The following SLC1A1 variants were observed in gnomAD, a reference collection of about 807,000 sequenced individuals.
SLC1A1 encodes the protein excitatory amino acid transporter 3.
In SLC1A1, 43 loss-of-function variants were observed where a neutral mutation model predicts 53.3. That is an observed-to-expected ratio of 0.81 (90% CI 0.63 to 1.04). The LOEUF (loss-of-function observed/expected upper bound fraction) is 1.04. Ranked by LOEUF, SLC1A1 falls within the 50% of genes least tolerant of loss-of-function variation. SLC1A1 has a pLI of 0.00. For missense variants in SLC1A1, 748 were observed against 664.9 expected (o/e 1.12, Z -1.37); for synonymous variants, 307 against 243.2 (o/e 1.26, Z -2.44).
At chr9:4,526,539 A>G (rs892772671) in intron 1 of SLC1A1, among the ~76,000 whole-genome samples, 1 of 152,170 alleles carries the variant, frequency 6.6e-6, no homozygotes, top group African/African-American at 2.4e-5. Flanking sequence ...GGAGGATGCA[A>G]TGGACCCTCA....
intron 10 of SLC1A1, among the ~76,000 whole-genome samples, chr9:4,576,996 A>G (rs1365305399): frequency 6.6e-6 from 1 of 152,200 alleles, no homozygotes; most frequent in Non-Finnish European, 1.5e-5. Flanking sequence ...AGTAGGATCT[A>G]GGCACAGGCT....
At chr9:4,572,599 G>A (rs1311512114) in intron 7 of SLC1A1, among the ~76,000 whole-genome samples, 4 of 152,212 alleles carry the variant, frequency 2.6e-5, no homozygotes, top group Non-Finnish European at 5.9e-5. Flanking sequence ...CCAGGGTGGA[G>A]TGCAGTGGTG....
chr9:4,526,459 T>TA (rs1249692079), intron 1 of SLC1A1, among the ~76,000 whole-genome samples: 1 of 152,120 alleles, frequency 6.6e-6, no homozygotes, highest in East Asian at 1.9e-4. Flanking sequence ...AGTAGATGTA[T>TA]AAAGGCATGG....
At position 4,583,241 on chromosome 9, in the gene SLC1A1, A is replaced by G. The variant is rs1821270884; in HGVS notation, c.1328+69A>G. 1 of 1,594,500 alleles carries G rather than the reference A, an allele frequency of 6.3e-7. No homozygotes were observed. The highest frequency in any genetic ancestry group is 8.6e-7 in the Non-Finnish European group (1 of 1,162,934). On this transcript the variant is annotated intron_variant, in intron 11 of 11. Coordinates refer to ENST00000262352, the MANE Select transcript of SLC1A1 (RefSeq NM_004170.6). This position sits in a 1 kb window ranked among gnomAD's most constrained non-coding sequence, Gnocchi z 4.6. Reference sequence around the variant, plus strand: ...GGCTTCCCAGCCTCGCAGGCGCTGCAGTCTGTCATCATTCTCTCCTCAGAT... The same window carrying G: ...GGCTTCCCAGCCTCGCAGGCGCTGCGGTCTGTCATCATTCTCTCCTCAGAT...
chr9:4,585,373 A>G lies in SLC1A1; in HGVS notation c.1390A>G (p.Lys464Glu). 6.2e-7 allele frequency: 1 copy of G among 1,614,214 alleles called. No individual in the cohort carries two copies. ...GDAFGTGIVEKLSKKELEQMD... is the reference protein window; with the variant it reads ...GDAFGTGIVEELSKKELEQMD... ...TGCTTTTGGGACGGGCATTGTGGAAAAGCTCTCCAAGAAGGAGCTGGAGCA... is the reference window on the plus strand; with the variant it reads ...TGCTTTTGGGACGGGCATTGTGGAAGAGCTCTCCAAGAAGGAGCTGGAGCA... The change falls in exon 12 of 12, where the codon AAG becomes GAG. Residue 464 changes from lysine (K) to glutamate (E), a missense_variant. Transcript: ENST00000262352.
chr9:4,508,483 C>T (rs1194615843), intron 1 of SLC1A1, among the ~76,000 whole-genome samples: 1 of 152,250 alleles, frequency 6.6e-6, no homozygotes, highest in East Asian at 1.9e-4. Flanking sequence ...CACTTGAGCC[C>T]AAAGGACTCC....
At chr9:4,494,886 T>C (rs997094157) in intron 1 of SLC1A1, among the ~76,000 whole-genome samples, 3 of 152,198 alleles carry the variant, frequency 2.0e-5, no homozygotes, top group Non-Finnish European at 1.5e-5. Flanking sequence ...CCATTACTTC[T>C]GTCATTTGAA....
At chr9:4,563,144 G>A (rs867549911) in intron 3 of SLC1A1, among the ~76,000 whole-genome samples, 30,456 of 143,066 alleles carry the variant, frequency 0.21, 3,965 homozygotes, top group East Asian at 0.45. Flanking sequence ...AAGAGAGAGA[G>A]AGAAAAAAAA....
chr9:4,507,095 G>T (rs544539653), intron 1 of SLC1A1, among the ~76,000 whole-genome samples: 1 of 152,134 alleles, frequency 6.6e-6, no homozygotes, highest in Non-Finnish European at 1.5e-5. Context: ...TTAGCTGAGC[G>T]TGGTGGTGGG....
At chr9:4,534,684 A>T (rs1232577426) in intron 1 of SLC1A1, among the ~76,000 whole-genome samples, 2 of 132,568 alleles carry the variant, frequency 1.5e-5, no homozygotes, top group Non-Finnish European at 3.4e-5. Context: ...TCAATAGAAA[A>T]AGAGGGAATC....
chr9:4,558,350 G>C (rs1407088735), intron 2 of SLC1A1, among the ~76,000 whole-genome samples: 1 of 152,218 alleles, frequency 6.6e-6, no homozygotes, highest in Non-Finnish European at 1.5e-5. Context: ...TACAGAGGTA[G>C]AGGTAACTAT....
At chr9:4,546,101 C>CT (rs1243474504) in intron 2 of SLC1A1, among the ~76,000 whole-genome samples, 1 of 152,162 alleles carries the variant, frequency 6.6e-6, no homozygotes, top group African/African-American at 2.4e-5. Flanking sequence ...CATTCAGGGA[C>CT]TGCATTGCTT....
Position 4,560,849 on chromosome 9 carries a change from A to G in SLC1A1, c.233-600A>G, listed in dbSNP as rs376500333. Among the ~76,000 whole-genome samples the G allele has an allele frequency of 1.6e-4, 25 of 152,086 alleles. No homozygotes were observed. In the East Asian group the frequency reaches 1.7e-3, roughly 11 times the overall value. ...CATCTCTACTAACAATACAAAAATT[A>G]GCTGGGTGTGGTGGTGTGCACCTGT... On this transcript the variant is annotated intron_variant, in intron 2 of 11. Transcript: ENST00000262352.
At chr9:4,544,091 G>T (rs529352419) in intron 1 of SLC1A1, among the ~76,000 whole-genome samples, 1 of 152,082 alleles carries the variant, frequency 6.6e-6, no homozygotes, top group Admixed American at 6.5e-5. Context: ...TGGGAGGATC[G>T]ACTGAGCCTG....
intron 1 of SLC1A1, among the ~76,000 whole-genome samples, chr9:4,507,087 A>G (rs1820832575): frequency 6.6e-6 from 1 of 152,128 alleles, no homozygotes; most frequent in Non-Finnish European, 1.5e-5. Flanking sequence ...AAAAAAAATT[A>G]GCTGAGCGTG....
At chr9:4,558,129 T>C (rs1021743083) in intron 2 of SLC1A1, among the ~76,000 whole-genome samples, 1 of 152,194 alleles carries the variant, frequency 6.6e-6, no homozygotes, top group Non-Finnish European at 1.5e-5. Flanking sequence ...CAGACAGATA[T>C]TTTATGGTCA....
intron 2 of SLC1A1, 66 bp downstream of exon 2, chr9:4,544,773 A>C: frequency 7.7e-7 from 1 of 1,291,900 alleles, no homozygotes; most frequent in South Asian, 1.2e-5. Context: ...GAACTTCCTG[A>C]GACTAGGTAA....
intron 4 of SLC1A1, 54 bp from the exon 5 acceptor site, chr9:4,565,993 G>A (rs1170327633): frequency 1.5e-6 from 2 of 1,345,580 alleles, no homozygotes; most frequent in African/African-American, 1.4e-5. Flanking sequence ...TATTAGGTAT[G>A]ACAAAACAAT....
chr9:4,559,021 C>T (rs1022801280), intron 2 of SLC1A1, among the ~76,000 whole-genome samples: 3 of 152,130 alleles, frequency 2.0e-5, no homozygotes, highest in Admixed American at 1.3e-4. Context: ...ATATACTTAG[C>T]AAGCTTACAT....
Sources: gnomAD v4.1 joint callset for allele counts (sites outside exome capture counted in the v4.1 genomes callset) on GRCh38, gnomAD v4.1.1 for gene constraint, Gnocchi (gnomAD v3.1) non-coding constraint, MANE v1.5 for transcripts, NCBI Gene and HGNC (gene_info 2026-07-23, HGNC 2026-07-21) for gene names.